Variants in PTPRG observed in about 807,000 individuals in gnomAD.
PTPRG encodes receptor-type tyrosine-protein phosphatase gamma.
PTPRG carries 102 observed loss-of-function variants against 165.3 expected under a neutral mutation model. The observed-to-expected ratio is 0.62, with a 90% CI of 0.53 to 0.73. The LOEUF (loss-of-function observed/expected upper bound fraction) is 0.73. Ranked by LOEUF, PTPRG falls within the 30% of genes least tolerant of loss-of-function variation. PTPRG has a pLI of 0.00. For synonymous variants in PTPRG, 675 were observed against 669.5 expected (o/e 1.01, Z -0.13); for missense variants, 1,866 against 1,861.4 (o/e 1.00, Z -0.05).
At chr3:61,892,223 G>A (rs548711396) in intron 2 of PTPRG, among the ~76,000 whole-genome samples, 239 of 152,204 alleles carry the variant, frequency 1.6e-3, no homozygotes, top group African/African-American at 5.2e-3. Context: ...CCCATACCAC[G>A]TGATTTTTTG....
intron 2 of PTPRG, among the ~76,000 whole-genome samples, chr3:61,757,068 T>C (rs11708000): frequency 0.19 from 28,587 of 152,120 alleles, 3,501 homozygotes; most frequent in Non-Finnish European, 0.25. Flanking sequence ...ACTTGGGTAA[T>C]TATAATACAT....
intron 1 of PTPRG, among the ~76,000 whole-genome samples, chr3:61,666,234 G>C (rs1702810935): frequency 6.6e-6 from 1 of 152,182 alleles, no homozygotes; most frequent in African/African-American, 2.4e-5. Flanking sequence ...GCTGCTGAAG[G>C]CTCCTTACTG....
At chr3:62,031,312 C>G in intron 4 of PTPRG, among the ~76,000 whole-genome samples, 1 of 152,132 alleles carries the variant, frequency 6.6e-6, no homozygotes, top group Non-Finnish European at 1.5e-5. Context: ...GGTATATTCT[C>G]TGAAACGGAA....
At chr3:62,058,961 C>T (rs1037947730) in intron 4 of PTPRG, among the ~76,000 whole-genome samples, 9 of 152,144 alleles carry the variant, frequency 5.9e-5, no homozygotes, top group African/African-American at 1.9e-4. Context: ...GGGACTCTAC[C>T]ACAGAACTCT....
intron 4 of PTPRG, among the ~76,000 whole-genome samples, chr3:62,029,319 T>TA (rs1270326631): frequency 2.0e-5 from 3 of 152,134 alleles, no homozygotes; most frequent in Non-Finnish European, 2.9e-5. Flanking sequence ...TTCTCACAAG[T>TA]ACATTTCTCA....
intron 1 of PTPRG, among the ~76,000 whole-genome samples, chr3:61,636,371 A>C (rs1250893928): frequency 6.6e-5 from 10 of 152,202 alleles, no homozygotes; most frequent in African/African-American, 2.2e-4. Flanking sequence ...ACTAATTACT[A>C]TCTTATAAAT....
chr3:61,980,098 T>A (rs972124440), intron 2 of PTPRG, among the ~76,000 whole-genome samples: 2 of 152,114 alleles, frequency 1.3e-5, no homozygotes, highest in Non-Finnish European at 2.9e-5. Flanking sequence ...AAACAAAACC[T>A]TGTGGAGCAT....
chr3:61,672,005 G>A, intron 1 of PTPRG, among the ~76,000 whole-genome samples: 1 of 128,514 alleles, frequency 7.8e-6, no homozygotes, highest in Non-Finnish European at 1.6e-5. Context: ...TTCTCAGACG[G>A]GGCGGTTGCC....
At chr3:61,810,005 A>C (rs562859719) in intron 2 of PTPRG, among the ~76,000 whole-genome samples, 1 of 152,258 alleles carries the variant, frequency 6.6e-6, no homozygotes, top group Non-Finnish European at 1.5e-5. Context: ...TATAGCTGCA[A>C]TGGGGGGCTG....
chr3:62,282,885 TTAA>T lies in PTPRG; in HGVS notation c.4055+18_4055+20del. The T allele has an allele frequency of 6.3e-7, 1 of 1,581,016 alleles. No homozygotes were observed. The highest frequency in any genetic ancestry group is 8.6e-7 in the Non-Finnish European group (1 of 1,166,416). On this transcript the variant is annotated intron_variant, in intron 28 of 29. Coordinates refer to ENST00000474889, the MANE Select transcript of PTPRG (RefSeq NM_002841.4). ...TTCATGATGAGTATGTATCTGTTTC[TTAA>T]TTTTAAAATGTAGACCGTTTTTTTG... is the stretch of plus-strand genomic sequence containing the variant.
chr3:62,092,567 G>A (rs1575993173), intron 5 of PTPRG, among the ~76,000 whole-genome samples: 1 of 152,040 alleles, frequency 6.6e-6, no homozygotes, highest in East Asian at 1.9e-4. Flanking sequence ...GAAGAAAATG[G>A]ACTCTAAATC....
intron 2 of PTPRG, among the ~76,000 whole-genome samples, chr3:61,812,659 G>A (rs577831610): frequency 3.9e-5 from 6 of 152,178 alleles, no homozygotes; most frequent in Non-Finnish European, 7.3e-5. Context: ...ATTCTTAAGG[G>A]ACAACAAGAC....
intron 21 of PTPRG, among the ~76,000 whole-genome samples, chr3:62,272,684 A>C (rs921702284): frequency 6.6e-6 from 1 of 152,094 alleles, no homozygotes; most frequent in African/African-American, 2.4e-5. Context: ...ACTAAAGATA[A>C]AAAATTAGTC....
At chr3:62,153,848 C>T (rs1254871180) in intron 6 of PTPRG, among the ~76,000 whole-genome samples, 1 of 152,164 alleles carries the variant, frequency 6.6e-6, no homozygotes, top group East Asian at 1.9e-4. Flanking sequence ...ATCTGTTCTC[C>T]AGCAGCAACC....
intron 6 of PTPRG, among the ~76,000 whole-genome samples, chr3:62,144,056 A>G (rs1460190663): frequency 6.6e-6 from 1 of 152,208 alleles, no homozygotes; most frequent in Non-Finnish European, 1.5e-5. Context: ...ATAAAGTTTC[A>G]TTGGAACACA....
intron 2 of PTPRG, chr3:61,770,728 T>C (rs950624803): frequency 6.6e-6 from 1 of 152,190 alleles, no homozygotes; most frequent in Non-Finnish European, 1.5e-5. Flanking sequence ...TTATCTAGGA[T>C]TTTAATTTAA....
chr3:61,798,909 T>C (rs2035146095), intron 2 of PTPRG, among the ~76,000 whole-genome samples: 1 of 152,120 alleles, frequency 6.6e-6, no homozygotes, highest in Non-Finnish European at 1.5e-5. Context: ...AGCTGTGCGG[T>C]ACAGAGCCAG....
intron 1 of PTPRG, among the ~76,000 whole-genome samples, chr3:61,571,369 T>G (rs1204347328): frequency 6.6e-6 from 1 of 152,158 alleles, no homozygotes; most frequent in African/African-American, 2.4e-5. Context: ...ATGGAAACTA[T>G]TTTTCCTAAT....
chr3:61,841,819 A>G (rs1386969210), intron 2 of PTPRG, among the ~76,000 whole-genome samples: 1 of 151,184 alleles, frequency 6.6e-6, no homozygotes, highest in Non-Finnish European at 1.5e-5. Flanking sequence ...CTCAAAAACA[A>G]AAACAAAAAC....
Sources: gnomAD v4.1 joint callset for allele counts (sites outside exome capture counted in the v4.1 genomes callset) on GRCh38, gnomAD v4.1.1 for gene constraint, MANE v1.5 for transcripts, NCBI Gene and HGNC (gene_info 2026-07-23, HGNC 2026-07-21) for gene names.